The following GPHN variants were observed in gnomAD, a reference collection of about 807,000 sequenced individuals.
The protein encoded by GPHN is gephyrin.
In GPHN, 17 loss-of-function variants were observed where a neutral mutation model predicts 95.5. That is an observed-to-expected ratio of 0.18 (90% CI 0.12 to 0.27). The LOEUF (loss-of-function observed/expected upper bound fraction) is 0.27, where lower values mean the gene tolerates loss of function less well. GPHN is among the 10% of genes least tolerant of loss of function. The pLI, the probability that GPHN is intolerant of heterozygous loss-of-function variation, is 1.00. For synonymous variants in GPHN, 320 were observed against 322.5 expected, an observed-to-expected ratio of 0.99 and a Z score of 0.08; for missense variants, 660 against 978.1, an observed-to-expected ratio of 0.67 and a Z score of 4.34.
chr14:67,626,478 C>G, the GPHN span, among the ~76,000 whole-genome samples: 1 of 152,122 alleles, frequency 6.6e-6, no homozygotes, highest in Non-Finnish European at 1.5e-5. Flanking sequence ...CAAATCCATT[C>G]CTATGTATAT....
At chr14:67,357,808 G>T in the GPHN span, among the ~76,000 whole-genome samples, 2 of 152,188 alleles carry the variant, frequency 1.3e-5, no homozygotes, top group African/African-American at 2.4e-5. Context: ...GTGTTGGTCA[G>T]TGTAAACGCC....
intron 21 of GPHN, among the ~76,000 whole-genome samples, chr14:67,178,377 T>G (rs1000149654): frequency 6.6e-6 from 1 of 152,230 alleles, no homozygotes; most frequent in Non-Finnish European, 1.5e-5. Flanking sequence ...TTAAGAATGT[T>G]GATTATTGGC....
chr14:67,454,153 T>C, the GPHN span: 1 of 152,382 alleles, frequency 6.6e-6, no homozygotes, highest in African/African-American at 2.4e-5. Flanking sequence ...ATCTGTAAAA[T>C]AGACATAGTA....
At chr14:67,353,404 T>C in the GPHN span, among the ~76,000 whole-genome samples, 36 of 152,182 alleles carry the variant, frequency 2.4e-4, no homozygotes, top group Non-Finnish European at 8.8e-5. Flanking sequence ...TAATCCCAGC[T>C]ACAGGTGTAA....
At chr14:66,509,576 T>C (rs961727608) in intron 1 of GPHN, among the ~76,000 whole-genome samples, 3 of 152,208 alleles carry the variant, frequency 2.0e-5, no homozygotes, top group South Asian at 2.1e-4. Context: ...TAGGGGTTTC[T>C]GCTGTGGTTC....
chr14:66,589,743 C>T (rs1389025772), intron 1 of GPHN, among the ~76,000 whole-genome samples: 1 of 152,100 alleles, frequency 6.6e-6, no homozygotes, highest in Non-Finnish European at 1.5e-5. Context: ...GAGACTTTAA[C>T]ACCCCACTGT....
chr14:66,543,330 A>G (rs2059419533), intron 1 of GPHN, among the ~76,000 whole-genome samples: 1 of 152,186 alleles, frequency 6.6e-6, no homozygotes, highest in Non-Finnish European at 1.5e-5. Context: ...CTCAATAGTC[A>G]TCATTTCTCT....
the GPHN span, among the ~76,000 whole-genome samples, chr14:67,583,583 A>C: frequency 6.6e-6 from 1 of 152,208 alleles, no homozygotes; most frequent in Non-Finnish European, 1.5e-5. Flanking sequence ...AGTGTCTATA[A>C]AACTTGAGAT....
chr14:67,367,233 A>G, the GPHN span, among the ~76,000 whole-genome samples: 3 of 152,112 alleles, frequency 2.0e-5, no homozygotes, highest in African/African-American at 4.8e-5. Flanking sequence ...CAAAAAATCT[A>G]TATTCTCTTT....
intron 3 of GPHN, among the ~76,000 whole-genome samples, chr14:66,791,899 TCA>T (rs2059983391): frequency 6.6e-6 from 1 of 152,134 alleles, no homozygotes; most frequent in Non-Finnish European, 1.5e-5. Flanking sequence ...TTTAATTGAC[TCA>T]CAGTTCCACG....
chr14:66,576,648 G>A (rs2060913753), intron 1 of GPHN, among the ~76,000 whole-genome samples: 1 of 152,116 alleles, frequency 6.6e-6, no homozygotes, highest in African/African-American at 2.4e-5. Context: ...TTATTTGGGG[G>A]ATTTGGTGGG....
the GPHN span, chr14:67,559,740 T>C: frequency 7.9e-7 from 1 of 1,273,828 alleles, no homozygotes; most frequent in South Asian, 1.3e-5. Flanking sequence ...TGGCTGGGCC[T>C]GCCCTGACCC....
chr14:67,527,808 T>C, the GPHN span, among the ~76,000 whole-genome samples: 5 of 152,248 alleles, frequency 3.3e-5, no homozygotes, highest in African/African-American at 1.2e-4. Context: ...TGTCCTCAGA[T>C]TGCGGAGCAA....
the GPHN span, chr14:67,388,409 G>A: frequency 1.4e-6 from 1 of 730,678 alleles, no homozygotes; most frequent in South Asian, 1.5e-5. Context: ...CAAATCATTT[G>A]TAATAGAAGA....
intron 1 of GPHN, among the ~76,000 whole-genome samples, chr14:66,546,419 C>T (rs1182071932): frequency 2.6e-5 from 4 of 152,038 alleles, no homozygotes; most frequent in Non-Finnish European, 4.4e-5. Context: ...CCAAGGCAGG[C>T]GGCTGGGAGG....
At chr14:67,272,753 G>T in the GPHN span, among the ~76,000 whole-genome samples, 13 of 152,106 alleles carry the variant, frequency 8.5e-5, no homozygotes, top group South Asian at 6.2e-4. Context: ...CTGCCTCCTG[G>T]GTTCAAGTGA....
At chr14:66,912,660 C>T (rs908163517) in intron 5 of GPHN, among the ~76,000 whole-genome samples, 1 of 152,008 alleles carries the variant, frequency 6.6e-6, no homozygotes, top group Non-Finnish European at 1.5e-5. Context: ...TTAGTAATAG[C>T]AGAATCCATG....
At chr14:67,124,715 C>T (rs1158225811) in intron 17 of GPHN, among the ~76,000 whole-genome samples, 2 of 152,140 alleles carry the variant, frequency 1.3e-5, no homozygotes, top group African/African-American at 4.8e-5. Flanking sequence ...CGTTAATGAG[C>T]TCTAAGAAAT....
rs1160041918 is a variant in GPHN, at chr14:67,180,980, A to G, written c.*43A>G. On this transcript the variant is annotated 3_prime_UTR_variant, in exon 23 of 23. Coordinates refer to ENST00000478722, the MANE Select transcript of GPHN (RefSeq NM_020806.5). ...AAGCTTTGATGCATGTCCACATATC[A>G]TTGACTGTATCCTGTAATATGCAAC... 6.2e-7 allele frequency: 1 copy of G among 1,602,870 alleles called. No individual in the cohort carries two copies. Among genetic ancestry groups the G allele is most frequent in the Non-Finnish European group, 8.5e-7 (1 of 1,170,000 alleles).
Sources: allele counts gnomAD v4.1 joint callset (sites outside exome capture counted in the v4.1 genomes callset), GRCh38; gene constraint gnomAD v4.1.1; transcripts MANE v1.5; gene names NCBI Gene and HGNC (gene_info 2026-07-23, HGNC 2026-07-21).